The following USH2A variants were observed in gnomAD, a reference collection of about 807,000 sequenced individuals.
USH2A encodes Usher syndrome 2A (autosomal recessive, mild).
A neutral mutation model predicts 538.9 loss-of-function variants in USH2A; 443 were observed. The ratio of observed to expected loss-of-function variants is 0.82; its 90% CI spans 0.76 to 0.89. The LOEUF (loss-of-function observed/expected upper bound fraction) is 0.89, where lower values mean the gene tolerates loss of function less well. USH2A is among the 40% of genes least tolerant of loss of function. USH2A has a pLI of 0.00. For synonymous variants in USH2A, 2,413 were observed against 2,273.5 expected, an observed-to-expected ratio of 1.06 and a Z score of -1.75; for missense variants, 6,633 against 6,324.8, an observed-to-expected ratio of 1.05 and a Z score of -1.65.
intron 4 of USH2A, among the ~76,000 whole-genome samples, chr1:216,358,459 A>G (rs151035813): frequency 6.6e-6 from 1 of 152,264 alleles, no homozygotes; most frequent in Non-Finnish European, 1.5e-5. Context: ...TATGGAGGAC[A>G]GTGACTTAAT....
rs1200190016 is a variant in USH2A at position 215,634,529 on chromosome 1, C to T, written c.15227G>A (p.Arg5076Lys). Residue 5076 changes from arginine to lysine, a missense_variant, in exon 70 of 72, where the codon AGA becomes AAA. Arg to Lys is a conservative substitution (Grantham distance 26). Coordinates refer to ENST00000307340, the MANE Select transcript of USH2A (RefSeq NM_206933.4). ...KIHKEPYIRE[R>K]PPLVPLQKRM... ...CTTCTGAAGAGGTACCAAGGGAGGT[C>T]TTTCTCTGATATATGGCTCTTTGTG... The T allele has an allele frequency of 6.2e-7, 1 of 1,614,194 alleles. No individual in the cohort carries two copies. The highest frequency in any genetic ancestry group is 1.3e-5 in the African/African-American group (1 of 75,044).
intron 8 of USH2A, among the ~76,000 whole-genome samples, chr1:216,322,668 A>C (rs1324727941): frequency 6.6e-6 from 1 of 151,840 alleles, no homozygotes; most frequent in Non-Finnish European, 1.5e-5. Context: ...GAATGCAGTT[A>C]ACATATTTCA....
intron 17 of USH2A, 43 bp downstream of exon 17, chr1:216,199,584 C>T (rs747324133): frequency 2.8e-5 from 45 of 1,612,794 alleles, no homozygotes; most frequent in Admixed American, 6.7e-5. Flanking sequence ...GATTCTCATT[C>T]ATGTCTTGAC....
chr1:215,856,419 G>A (rs897557944), intron 44 of USH2A, among the ~76,000 whole-genome samples: 5 of 151,960 alleles, frequency 3.3e-5, no homozygotes, highest in African/African-American at 4.8e-5. Flanking sequence ...GCCAAGAAAC[G>A]TGCAAATGGC....
intron 34 of USH2A, among the ~76,000 whole-genome samples, chr1:215,993,509 A>AACACACACACACACACAC (rs66804361): frequency 0.021 from 3,048 of 146,382 alleles, 52 homozygotes; most frequent in African/African-American, 0.047. Context: ...GAGTGAATTA[A>AACACACACACACACACAC]ACACACACAC....
intron 43 of USH2A, among the ~76,000 whole-genome samples, chr1:215,875,788 G>C (rs538417535): frequency 6.7e-6 from 1 of 150,092 alleles, no homozygotes; most frequent in Non-Finnish European, 1.5e-5. Context: ...GTCACAGGAA[G>C]CTACTATTTG....
intron 47 of USH2A, among the ~76,000 whole-genome samples, chr1:215,836,466 A>ATATATATATAT (rs1663491185): frequency 1.1e-4 from 1 of 8,724 alleles, no homozygotes; most frequent in Non-Finnish European, 2.1e-4. Context: ...TATATATATT[A>ATATATATATAT]TATATATATA....
intron 4 of USH2A, among the ~76,000 whole-genome samples, chr1:216,337,431 T>G (rs1048255389): frequency 5.9e-5 from 9 of 151,418 alleles, no homozygotes; most frequent in Admixed American, 4.6e-4. Flanking sequence ...CCAATCTCAC[T>G]TGGTAGCATA....
intron 20 of USH2A, among the ~76,000 whole-genome samples, chr1:216,180,988 G>C (rs1324607121): frequency 6.6e-6 from 1 of 152,070 alleles, no homozygotes; most frequent in African/African-American, 2.4e-5. Flanking sequence ...GTGTCTTAAA[G>C]AGGAAAAGTT....
intron 21 of USH2A, among the ~76,000 whole-genome samples, chr1:216,121,018 G>A (rs2033128276): frequency 6.6e-6 from 1 of 152,112 alleles, no homozygotes; most frequent in Non-Finnish European, 1.5e-5. Context: ...TGAGTTTTAT[G>A]GTAGTATTTT....
At chr1:215,790,029 A>G (rs1482693072) in intron 51 of USH2A, 30 bp downstream of exon 51, 9 of 1,598,176 alleles carry the variant, frequency 5.6e-6, no homozygotes, top group Non-Finnish European at 6.8e-6. Flanking sequence ...TTGTCAAATC[A>G]GCGCCTCCGA....
chr1:216,207,386 G>A lies in USH2A; in HGVS notation c.3203C>T (p.Ser1068Phe), dbSNP rs759235395. 5 of 1,614,026 alleles carry A rather than the reference G, an allele frequency of 3.1e-6. No individual in the cohort carries two copies. Among genetic ancestry groups the A allele is most frequent in the Non-Finnish European group, 4.2e-6 (5 of 1,179,932 alleles). The change falls in exon 16 of 72, where the codon TCT becomes TTT. Residue 1068 changes from serine (S) to phenylalanine (F), a missense_variant. Transcript: ENST00000307340. ...TGGACTCCAGGAGAGATTGATAGCA[G>A]AAGAACTTTGAACTTGTCCTCTGGG... ...PPPRGQVQSS[S>F]AINLSWSPPD...
chr1:215,753,288 T>C (rs1236373661), intron 58 of USH2A, among the ~76,000 whole-genome samples: 1 of 152,120 alleles, frequency 6.6e-6, no homozygotes, highest in Non-Finnish European at 1.5e-5. Context: ...AAATACCATT[T>C]GACCCAGCCA....
intron 21 of USH2A, among the ~76,000 whole-genome samples, chr1:216,122,937 A>G (rs2033166316): frequency 6.6e-6 from 1 of 152,208 alleles, no homozygotes; most frequent in Non-Finnish European, 1.5e-5. Flanking sequence ...GTGTGAGAAA[A>G]GCCAGAAACT....
intron 41 of USH2A, among the ~76,000 whole-genome samples, chr1:215,885,088 C>G (rs923807796): frequency 1.3e-5 from 2 of 151,716 alleles, no homozygotes; most frequent in Non-Finnish European, 2.9e-5. Flanking sequence ...CTTATCAATC[C>G]TCAATTCAAG....
chr1:215,674,498 A>G lies in USH2A; in HGVS notation c.13413T>C (p.Asn4471=). The change falls in exon 63 of 72, where the codon AAT becomes AAC. Residue 4471 remains asparagine (N), a synonymous_variant. Transcript: ENST00000307340. ...EITWKPPRNP[N]GQIRSYELRR... is the part of the protein sequence containing the mutation. ...TAAGTTCATAACTTCTGATCTGGCC[A>G]TTTGGGTTTCTTGGAGGTTTCCAGG... is the stretch of plus-strand genomic sequence containing the variant. The G allele has an allele frequency of 6.2e-7, 1 of 1,614,106 alleles. No homozygotes were observed. Among genetic ancestry groups the G allele is most frequent in the Non-Finnish European group, 8.5e-7 (1 of 1,180,006 alleles).
chr1:216,129,561 T>C (rs1034900923), intron 21 of USH2A, among the ~76,000 whole-genome samples: 1 of 151,992 alleles, frequency 6.6e-6, no homozygotes, highest in Non-Finnish European at 1.5e-5. Flanking sequence ...TTGAAAAAGA[T>C]ATGAAAAATA....
rs546126368 is a variant in USH2A, at chr1:216,223,448, A to C, written c.2994-5898T>G. Among the ~76,000 whole-genome samples the C allele has an allele frequency of 1.9e-3, 295 of 152,292 alleles. 3 individuals are homozygous for C. The highest frequency in any genetic ancestry group is 2.6e-3 in the Non-Finnish European group (175 of 68,028). Reference sequence around the variant, plus strand: ...GTCCTTTGCAGCTAACTGTATAATTAGTTCTACTCATCAAAAGGAGAGTCT... The same window carrying C: ...GTCCTTTGCAGCTAACTGTATAATTCGTTCTACTCATCAAAAGGAGAGTCT... On this transcript the variant is annotated intron_variant, in intron 14 of 71. Transcript: ENST00000307340.
intron 19 of USH2A, among the ~76,000 whole-genome samples, chr1:216,194,835 A>T (rs2034801708): frequency 6.6e-6 from 1 of 152,076 alleles, no homozygotes; most frequent in African/African-American, 2.4e-5. Flanking sequence ...GCCAGTTTTG[A>T]GTGTATCCCA....
Sources: allele counts gnomAD v4.1 joint callset (sites outside exome capture counted in the v4.1 genomes callset), GRCh38; gene constraint gnomAD v4.1.1; transcripts MANE v1.5; gene names NCBI Gene and HGNC (gene_info 2026-07-23, HGNC 2026-07-21).